NRXN3: variants seen among roughly 807,000 people sequenced by gnomAD.
The protein encoded by NRXN3 is neurexin 3.
Under a neutral mutation model 137.6 loss-of-function variants are expected in NRXN3, and 32 were observed. That is an observed-to-expected ratio of 0.23 (90% confidence interval 0.18 to 0.31). The LOEUF is 0.31. Among genes scored for constraint, NRXN3 ranks in the 10% least tolerant of loss-of-function variants. The probability of loss-of-function intolerance (pLI) is 1.00; values close to 1 mark genes in which losing one functional copy is unlikely to be tolerated. For synonymous variants in NRXN3, 798 were observed against 784.5 expected, an observed-to-expected ratio of 1.02 and a Z score of -0.29; for missense variants, 1,574 against 2,062.5, an observed-to-expected ratio of 0.76 and a Z score of 4.59.
At chr14:79,323,242 A>ACT (rs1340459294) in intron 15 of NRXN3, among the ~76,000 whole-genome samples, 18 of 152,066 alleles carry the variant, frequency 1.2e-4, no homozygotes, top group Non-Finnish European at 1.9e-4. Flanking sequence ...AGCTCTCACT[A>ACT]TGTTGCCCAG....
chr14:79,572,606 A>G (rs2097618091), intron 16 of NRXN3, among the ~76,000 whole-genome samples: 1 of 152,148 alleles, frequency 6.6e-6, no homozygotes, highest in Non-Finnish European at 1.5e-5. Context: ...TCATCTTTTG[A>G]GTTTTCAGAG....
chr14:78,496,574 A>G (rs2095789097), intron 4 of NRXN3, among the ~76,000 whole-genome samples: 1 of 152,138 alleles, frequency 6.6e-6, no homozygotes. Context: ...AGAGGAAAAA[A>G]TATCCTTCCT....
intron 15 of NRXN3, among the ~76,000 whole-genome samples, chr14:79,278,249 A>G (rs1190238238): frequency 6.6e-6 from 1 of 152,118 alleles, no homozygotes; most frequent in Non-Finnish European, 1.5e-5. Flanking sequence ...GGTGAATGGT[A>G]GGAGGGAGTC....
rs116752608 is a variant in NRXN3 at position 79,539,567 on chromosome 14, A to C, written c.3444+72165A>C. ...TTTCTCTCAGATTCATGTCTAATTCATACCAGTTGAGCCTTGCTATTTGAG... is the reference window on the plus strand; with the variant it reads ...TTTCTCTCAGATTCATGTCTAATTCCTACCAGTTGAGCCTTGCTATTTGAG... On this transcript the variant is annotated intron_variant, in intron 16 of 20. Coordinates refer to ENST00000335750, the MANE Select transcript of NRXN3 (RefSeq NM_001330195.2). Among the ~76,000 whole-genome samples, 599 of 152,274 alleles carry C rather than the reference A, an allele frequency of 3.9e-3. 8 individuals carry two copies. Among genetic ancestry groups the C allele is most frequent in the African/African-American group, 0.013 (558 of 41,562 alleles).
At position 78,728,184 on chromosome 14, in the gene NRXN3, C is replaced by T. The variant is rs550281528; in HGVS notation, c.2044+13045C>T. Among the ~76,000 whole-genome samples, 4 of 152,272 alleles carry T rather than the reference C, an allele frequency of 2.6e-5. No homozygotes were observed. In the East Asian group the frequency reaches 7.7e-4, roughly 29 times the overall value. On this transcript the variant is annotated intron_variant, in intron 8 of 20. Transcript: ENST00000335750. ...GTCCTTTGTAGCTGAGAGTAAGATG[C>T]TCCTGCTGTGTGGGTCAGAAGATTT... is the stretch of plus-strand genomic sequence containing the variant.
chr14:79,025,791 G>C (rs2099597050), intron 15 of NRXN3, among the ~76,000 whole-genome samples: 1 of 152,194 alleles, frequency 6.6e-6, no homozygotes, highest in Non-Finnish European at 1.5e-5. Flanking sequence ...TAACCAGTTA[G>C]AGGTTGAAGA....
At position 79,720,250 on chromosome 14, in the gene NRXN3, C is replaced by T. The variant is rs553150221; in HGVS notation, c.4014+22313C>T. Among the ~76,000 whole-genome samples, 5 of 152,216 alleles carry T rather than the reference C, an allele frequency of 3.3e-5. No individual in the cohort carries two copies. The South Asian group carries it at 1.0e-3, about 32-fold the overall frequency. Reference sequence around the variant, plus strand: ...TATAAAACCATCAGATCTCTTGAGACTTATTCACTACTGTAAGAACAATAT... The same window carrying T: ...TATAAAACCATCAGATCTCTTGAGATTTATTCACTACTGTAAGAACAATAT... On this transcript the variant is annotated intron_variant, in intron 19 of 20. Transcript: ENST00000335750.
chr14:79,658,236 G>A (rs574993564), intron 16 of NRXN3, among the ~76,000 whole-genome samples: 1 of 152,232 alleles, frequency 6.6e-6, no homozygotes, highest in Non-Finnish European at 1.5e-5. Context: ...TTAATTGTAA[G>A]AATTTGAATA....
At chr14:79,144,238 A>G (rs2059087248) in intron 15 of NRXN3, among the ~76,000 whole-genome samples, 1 of 152,192 alleles carries the variant, frequency 6.6e-6, no homozygotes, top group South Asian at 2.1e-4. Flanking sequence ...AGTCCCCACC[A>G]TGCCCATTGT....
chr14:79,713,992 TAA>T (rs1304450782), intron 19 of NRXN3, among the ~76,000 whole-genome samples: 2 of 152,286 alleles, frequency 1.3e-5, no homozygotes, highest in Non-Finnish European at 2.9e-5. Flanking sequence ...TGTTTGGTGA[TAA>T]AGTCTTTTCA....
At chr14:78,769,943 A>AT (rs1161160616) in intron 8 of NRXN3, among the ~76,000 whole-genome samples, 2 of 150,750 alleles carry the variant, frequency 1.3e-5, no homozygotes, top group Non-Finnish European at 3.0e-5. Flanking sequence ...TTTGCTTATG[A>AT]GTCTTCAATG....
chr14:79,329,039 G>A (rs144403388), intron 15 of NRXN3, among the ~76,000 whole-genome samples: 1 of 152,260 alleles, frequency 6.6e-6, no homozygotes, highest in African/African-American at 2.4e-5. Context: ...AGGTTCCTTA[G>A]TCATTTATGT....
intron 10 of NRXN3, among the ~76,000 whole-genome samples, chr14:78,933,956 C>G (rs969515277): frequency 4.0e-5 from 6 of 151,886 alleles, no homozygotes; most frequent in African/African-American, 1.2e-4. Flanking sequence ...CTGGTACCCA[C>G]CCATCTTCAG....
chr14:79,006,583 T>C (rs2099553499), intron 15 of NRXN3, among the ~76,000 whole-genome samples: 1 of 152,052 alleles, frequency 6.6e-6, no homozygotes, highest in East Asian at 1.9e-4. Context: ...TTTTTTTTTG[T>C]TTTTACAATT....
intron 15 of NRXN3, among the ~76,000 whole-genome samples, chr14:79,237,302 A>G (rs940065541): frequency 1.3e-5 from 2 of 152,164 alleles, no homozygotes; most frequent in Non-Finnish European, 2.9e-5. Flanking sequence ...CCTAATAGCT[A>G]GCTATAGTGA....
intron 10 of NRXN3, among the ~76,000 whole-genome samples, chr14:78,838,374 G>T (rs114368771): frequency 0.023 from 3,435 of 152,154 alleles, 53 homozygotes; most frequent in African/African-American, 0.038. Flanking sequence ...TGTAGAAGTA[G>T]ATACATAGAT....
intron 15 of NRXN3, among the ~76,000 whole-genome samples, chr14:79,406,844 T>A (rs1273308526): frequency 2.0e-5 from 3 of 152,168 alleles, no homozygotes; most frequent in Non-Finnish European, 4.4e-5. Flanking sequence ...TATGTTTTAT[T>A]TATAAGTATT....
intron 15 of NRXN3, among the ~76,000 whole-genome samples, chr14:79,234,293 A>T (rs1597595293): frequency 1.1e-3 from 59 of 56,168 alleles, no homozygotes; most frequent in East Asian, 2.1e-3. Flanking sequence ...TTCAATGGTA[A>T]ATATATATAT....
chr14:78,606,756 C>A (rs2097256477), intron 4 of NRXN3, among the ~76,000 whole-genome samples: 1 of 152,168 alleles, frequency 6.6e-6, no homozygotes, highest in Non-Finnish European at 1.5e-5. Flanking sequence ...TGGTTTAGTA[C>A]CTGCCAGCGT....
Sources: allele counts gnomAD v4.1 joint callset (sites outside exome capture counted in the v4.1 genomes callset), GRCh38; gene constraint gnomAD v4.1.1; transcripts MANE v1.5; gene names NCBI Gene and HGNC (gene_info 2026-07-23, HGNC 2026-07-21).